DGKB: variants seen among roughly 807,000 people sequenced by gnomAD.
The protein encoded by DGKB is diacylglycerol kinase beta.
In DGKB, 67 loss-of-function variants were observed where a neutral mutation model predicts 114.3. The ratio of observed to expected loss-of-function variants is 0.59; its 90% CI spans 0.48 to 0.72. The LOEUF is 0.72. DGKB is among the 30% of genes least tolerant of loss of function. The probability of loss-of-function intolerance (pLI) is 0.00; values close to 1 mark genes in which losing one functional copy is unlikely to be tolerated. For synonymous variants in DGKB, 398 were observed against 323.1 expected, an observed-to-expected ratio of 1.23 and a Z score of -2.49; for missense variants, 907 against 975.2, an observed-to-expected ratio of 0.93 and a Z score of 0.93.
At chr7:14,964,741 G>C (rs762935255) in intron 1 of DGKB, among the ~76,000 whole-genome samples, 1 of 152,062 alleles carries the variant, frequency 6.6e-6, no homozygotes, top group Non-Finnish European at 1.5e-5. Context: ...TATTGAGGAG[G>C]AATTGACTGT....
chr7:14,274,971 G>T (rs76260349), intron 23 of DGKB, among the ~76,000 whole-genome samples: 3,122 of 141,358 alleles, frequency 0.022, 135 homozygotes, highest in East Asian at 0.14. Context: ...GTGTGTGTGT[G>T]TGTTTGTGTG....
intron 21 of DGKB, among the ~76,000 whole-genome samples, chr7:14,446,338 G>A (rs1308341845): frequency 4.6e-5 from 7 of 152,088 alleles, no homozygotes; most frequent in Non-Finnish European, 1.5e-5. Flanking sequence ...CCTCATCAAA[G>A]CTTCCTGAGA....
At chr7:14,750,195 ACATTATGTTATAGTTAAAG>A (rs746511490) in intron 4 of DGKB, 1 of 515,514 alleles carries the variant, frequency 1.9e-6, no homozygotes, top group South Asian at 1.4e-5. Flanking sequence ...GCTTCAATGC[ACATTATGTTATAGTTAAAG>A]CATAATTTTC....
intron 23 of DGKB, among the ~76,000 whole-genome samples, chr7:14,279,344 A>G (rs1447961002): frequency 6.6e-6 from 1 of 152,124 alleles, no homozygotes; most frequent in Non-Finnish European, 1.5e-5. Context: ...TAGGTAAACA[A>G]AGCAACTGGG....
In DGKB at chr7:14,938,840, T is replaced by C. The variant is rs141281099; in HGVS notation, c.-188+35856A>G. Among the ~76,000 whole-genome samples, 1,057 of 152,280 alleles carry C rather than the reference T, an allele frequency of 6.9e-3. 13 individuals carry two copies. Among genetic ancestry groups the C allele is most frequent in the African/African-American group, 0.023 (971 of 41,564 alleles). On this transcript the variant is annotated intron_variant, in intron 1 of 4. Transcript: ENST00000437998. ...CATTTCCAGTATAGTATCATAAAAA[T>C]TAAAAGCATAGGTGTCAGCATTAAA...
At chr7:14,172,062 C>T (rs1159462157) in intron 25 of DGKB, among the ~76,000 whole-genome samples, 1 of 152,114 alleles carries the variant, frequency 6.6e-6, no homozygotes, top group Non-Finnish European at 1.5e-5. Context: ...AGGGGTTGTG[C>T]TCAGGGAAGC....
intron 19 of DGKB, among the ~76,000 whole-genome samples, chr7:14,578,167 G>A (rs1265602321): frequency 6.6e-6 from 1 of 152,070 alleles, no homozygotes; most frequent in African/African-American, 2.4e-5. Context: ...CTCACCTGCT[G>A]CCATGTAAAA....
At chr7:14,915,794 G>C (rs1784212674) in intron 1 of DGKB, among the ~76,000 whole-genome samples, 1 of 152,016 alleles carries the variant, frequency 6.6e-6, no homozygotes, top group Non-Finnish European at 1.5e-5. Flanking sequence ...AAGAGAAACA[G>C]GGAATTTGTT....
intron 23 of DGKB, among the ~76,000 whole-genome samples, chr7:14,227,265 C>A (rs1790949722): frequency 1.3e-5 from 2 of 151,956 alleles, no homozygotes; most frequent in African/African-American, 2.4e-5. Flanking sequence ...TATATAGTTG[C>A]CCAAACTTCA....
intron 4 of DGKB, chr7:14,750,134 T>C (rs757149037): frequency 1.9e-6 from 1 of 518,434 alleles, no homozygotes; most frequent in African/African-American, 1.9e-5. Context: ...GTTCCTTAAA[T>C]TGCCCAACAC....
chr7:14,758,884 AATAG>A (rs76875239), intron 2 of DGKB, among the ~76,000 whole-genome samples: 38,351 of 145,002 alleles, frequency 0.26, 5,243 homozygotes, highest in Non-Finnish European at 0.32. Context: ...TGTGTGAAAC[AATAG>A]ATAGATAGAT....
chr7:14,815,092 T>C (rs1213520372), intron 2 of DGKB: 1 of 152,228 alleles, frequency 6.6e-6, no homozygotes, highest in Non-Finnish European at 1.5e-5. Context: ...AATGGATTGA[T>C]ATAGAAAGTA....
rs552080205 is a variant in DGKB at position 14,486,529 on chromosome 7, C to G, written c.1771-8304G>C. Among the ~76,000 whole-genome samples the G allele has an allele frequency of 2.0e-5, 3 of 152,256 alleles. No individual in the cohort carries two copies. The South Asian group carries it at 6.2e-4, about 32-fold the overall frequency. On this transcript the variant is annotated intron_variant, in intron 20 of 25. Transcript: ENST00000402815. ...CAGGTGACATTTTCACCGAGGTATCCAGGAACGTAAGAACCTGAACCCTGC... is the reference window on the plus strand; with the variant it reads ...CAGGTGACATTTTCACCGAGGTATCGAGGAACGTAAGAACCTGAACCCTGC...
chr7:14,655,847 G>A (rs925160801), intron 13 of DGKB, among the ~76,000 whole-genome samples: 10 of 151,518 alleles, frequency 6.6e-5, no homozygotes, highest in Non-Finnish European at 1.5e-5. Flanking sequence ...GAAATAAAAG[G>A]GTAGAATTGT....
At chr7:14,853,285 A>G (rs1405384327) in intron 1 of DGKB, among the ~76,000 whole-genome samples, 1 of 152,134 alleles carries the variant, frequency 6.6e-6, no homozygotes, top group Non-Finnish European at 1.5e-5. Context: ...AGAAAAATAC[A>G]TATTTTGACT....
chr7:14,421,875 T>G (rs771275026), intron 21 of DGKB, among the ~76,000 whole-genome samples: 2 of 151,996 alleles, frequency 1.3e-5, no homozygotes, highest in African/African-American at 4.8e-5. Flanking sequence ...GGCTCAGAAG[T>G]ATCTATTTAA....
chr7:14,375,110 C>T (rs533530865), intron 21 of DGKB, among the ~76,000 whole-genome samples: 2 of 152,286 alleles, frequency 1.3e-5, no homozygotes, highest in African/African-American at 2.4e-5. Context: ...ACCTCCCTCT[C>T]TCCGCCTCCC....
chr7:14,148,327 G>C lies in DGKB; in HGVS notation c.*804C>G, dbSNP rs1259790840. On this transcript the variant is annotated 3_prime_UTR_variant, in exon 26 of 26. Transcript: ENST00000402815. ...GCATTGTTTTCTGAATCTTTGGTGG[G>C]AAACACATTGATTAGGCACATAGTT... The C allele has an allele frequency of 6.6e-6, 1 of 152,482 alleles. No homozygotes were observed. The highest frequency in any genetic ancestry group is 1.9e-4 in the East Asian group (1 of 5,190). The allele number at this position is 152,482 out of a possible 1,614,324, so 9.4% of individuals were successfully genotyped here.
chr7:14,783,913 A>C (rs755813413), intron 2 of DGKB, among the ~76,000 whole-genome samples: 48 of 152,198 alleles, frequency 3.2e-4, no homozygotes, highest in Non-Finnish European at 5.9e-4. Context: ...ATAAGCACAA[A>C]AATGATCCCT....
Sources: allele counts gnomAD v4.1 joint callset (sites outside exome capture counted in the v4.1 genomes callset), GRCh38; gene constraint gnomAD v4.1.1; transcripts MANE v1.5; gene names NCBI Gene and HGNC (gene_info 2026-07-23, HGNC 2026-07-21).